DSC1: variants seen among roughly 807,000 people sequenced by gnomAD.
The protein encoded by DSC1 is desmocollin-1.
In DSC1, 79 loss-of-function variants were observed where a neutral mutation model predicts 98.8. The observed-to-expected ratio is 0.80, with a 90% CI of 0.67 to 0.96. The LOEUF is 0.96. Among genes scored for constraint, DSC1 ranks in the 50% least tolerant of loss-of-function variants. The probability of loss-of-function intolerance (pLI) is 0.00; values close to 1 mark genes in which losing one functional copy is unlikely to be tolerated. For missense variants in DSC1, 1,115 were observed against 1,075.9 expected, an observed-to-expected ratio of 1.04 and a Z score of -0.51; for synonymous variants, 405 against 372.1, an observed-to-expected ratio of 1.09 and a Z score of -1.02.
rs374761588 is a variant in DSC1, at chr18:31,155,507, G to A, written c.471+536C>T. ...TAGCTGGGCTTCGTGGTGGGTGTCCGTAATCCCAGCAACTCGGGAGGTTGA... is the reference window on the plus strand; with the variant it reads ...TAGCTGGGCTTCGTGGTGGGTGTCCATAATCCCAGCAACTCGGGAGGTTGA... On this transcript the variant is annotated intron_variant, in intron 4 of 15. Transcript: ENST00000257198. Among the ~76,000 whole-genome samples the A allele has an allele frequency of 3.9e-5, 6 of 152,152 alleles. No homozygotes were observed. The South Asian group carries it at 1.0e-3, about 26-fold the overall frequency.
rs1988485602 is a variant in DSC1 at position 31,131,403 on chromosome 18, T to C, written c.2487+191A>G. The C allele has an allele frequency of 5.1e-6, 4 of 791,130 alleles. No individual in the cohort carries two copies. The Admixed American group carries it at 1.2e-4, about 23-fold the overall frequency. 49.0% of individuals were successfully genotyped at this position (791,130 alleles called of 1,614,324 possible). Reference sequence around the variant, plus strand: ...CTCCTAGATAAAGTTTTGTAAACTGTATTTTCAAAGGTGAATTTTCAAAGA... The same window carrying C: ...CTCCTAGATAAAGTTTTGTAAACTGCATTTTCAAAGGTGAATTTTCAAAGA... On this transcript the variant is annotated intron_variant, in intron 15 of 15. Transcript: ENST00000257198.
intron 8 of DSC1, among the ~76,000 whole-genome samples, chr18:31,142,645 C>T (rs1355408001): frequency 6.7e-6 from 1 of 150,340 alleles, no homozygotes; most frequent in Non-Finnish European, 1.5e-5. Flanking sequence ...TTTTGATTCA[C>T]TTGCAAACCT....
intron 8 of DSC1, among the ~76,000 whole-genome samples, chr18:31,143,395 A>AAT (rs1988777810): frequency 1.1e-5 from 1 of 92,598 alleles, no homozygotes. Flanking sequence ...ATAAAATAAA[A>AAT]TAAAAGTTTA....
chr18:31,132,646 G>T lies in DSC1; in HGVS notation c.2160C>A (p.Val720=). 1 of 1,613,266 alleles carries T rather than the reference G, an allele frequency of 6.2e-7. No homozygotes were observed. The highest frequency in any genetic ancestry group is 1.1e-5 in the South Asian group (1 of 91,046). ...TCFCVTAKRT[V]KKCFPEDIAQ... Reference sequence around the variant, plus strand: ...CTATGTCTTCTGGAAAACATTTCTTGACTGTTCTCTTAGCAGTGACACAGA... The same window carrying T: ...CTATGTCTTCTGGAAAACATTTCTTTACTGTTCTCTTAGCAGTGACACAGA... Residue 720 remains valine (V), a synonymous_variant, in exon 14 of 16, where the codon GTC becomes GTA. Transcript: ENST00000257198.
Position 31,134,720 on chromosome 18 carries a change from T to C in DSC1, c.1728A>G (p.Gln576=), listed in dbSNP as rs779129089. Residue 576 remains glutamine, a synonymous_variant, in exon 12 of 16, where the codon CAA becomes CAG. Transcript: ENST00000257198. ...HLDDYNDHAP[Q]IDKEVTICQN... is the part of the protein sequence containing the mutation. ...GACAAATGGTCACTTCTTTGTCAAT[T>C]TGAGGTGCGTGATCGTTGTAATCAT... 4 of 1,613,186 alleles carry C rather than the reference T, an allele frequency of 2.5e-6. No individual in the cohort carries two copies. Among genetic ancestry groups the C allele is most frequent in the Middle Eastern group, 1.6e-4 (1 of 6,080 alleles).
chr18:31,143,441 G>A (rs1019072182), intron 8 of DSC1, among the ~76,000 whole-genome samples: 9 of 151,668 alleles, frequency 5.9e-5, no homozygotes, highest in South Asian at 2.1e-4. Context: ...GAAGCTCTTC[G>A]GTAGCCAAGA....
chr18:31,146,415 A>G (rs1235287968), intron 6 of DSC1, among the ~76,000 whole-genome samples: 2 of 152,098 alleles, frequency 1.3e-5, no homozygotes, highest in African/African-American at 4.8e-5. Flanking sequence ...AAAAGACATG[A>G]TTTTATTCTT....
In DSC1 at chr18:31,145,657, G is replaced by C; in HGVS notation, c.893C>G (p.Pro298Arg). Residue 298 changes from proline (P) to arginine (R), a missense_variant, in exon 7 of 16, where the codon CCA becomes CGA. By Grantham distance (103) the Pro-to-Arg change is moderately radical. Coordinates refer to ENST00000257198, the MANE Select transcript of DSC1 (RefSeq NM_024421.2). Reference sequence around the variant, plus strand: ...AGTTGTGGTGATGACACCGGTATCTGGGTGTATGGAGAAATGCTTTGGATG... The same window carrying C: ...AGTTGTGGTGATGACACCGGTATCTCGGTGTATGGAGAAATGCTTTGGATG... ...PDHPKHFSIH[P>R]DTGVITTTTP... is the part of the protein sequence containing the mutation. 6.2e-7 allele frequency: 1 copy of C among 1,614,112 alleles called. No homozygotes were observed. Among genetic ancestry groups the C allele is most frequent in the Non-Finnish European group, 8.5e-7 (1 of 1,179,986 alleles).
intron 4 of DSC1, among the ~76,000 whole-genome samples, chr18:31,155,353 G>A (rs1311392578): frequency 1.3e-5 from 2 of 152,088 alleles, no homozygotes; most frequent in Non-Finnish European, 2.9e-5. Flanking sequence ...ATTTTGGCCG[G>A]GCGCAGTGGC....
intron 4 of DSC1, among the ~76,000 whole-genome samples, chr18:31,155,560 G>C (rs540218624): frequency 6.6e-6 from 1 of 152,282 alleles, no homozygotes; most frequent in African/African-American, 2.4e-5. Flanking sequence ...AACCCAGGAG[G>C]CAGAGGTTGC....
In DSC1 at chr18:31,139,880, A is replaced by T; in HGVS notation, c.1531T>A (p.Leu511Ile). 3 of 1,599,852 alleles carry T rather than the reference A, an allele frequency of 1.9e-6. No homozygotes were observed. The highest frequency in any genetic ancestry group is 2.6e-6 in the Non-Finnish European group (3 of 1,176,094). The change falls in exon 11 of 16, where the codon TTA (leucine) becomes ATA (isoleucine). Residue 511 changes from leucine to isoleucine, a missense_variant. Leu to Ile is a conservative substitution (Grantham distance 5). Transcript: ENST00000257198. ...TCAAACCAGTTATCTTCATCCCCTA[A>T]CTTCTGATACCTAATTTTTAGAAAT... ...SSGEGLRYQK[L>I]GDEDNWFEIN...
intron 10 of DSC1, 64 bp from the exon 11 acceptor site, chr18:31,139,954 C>G: frequency 1.9e-6 from 3 of 1,561,612 alleles, no homozygotes; most frequent in Non-Finnish European, 1.7e-6. Flanking sequence ...TAAAATCTGT[C>G]ATTTTGAAAA....
chr18:31,143,721 G>T lies in DSC1; in HGVS notation c.1010C>A (p.Thr337Lys). The T allele has an allele frequency of 6.2e-7, 1 of 1,602,130 alleles. No homozygotes were observed. The highest frequency in any genetic ancestry group is 8.5e-7 in the Non-Finnish European group (1 of 1,173,650). The stretch of plus-strand genomic sequence containing the variant: ...CTCAAGTGAAATAGTAATTGTTCCT[G>T]TATTAAATAAACCGAAAGGCTGACC... ...MGGQPFGLFN[T>K]GTITISLEDE... The change falls in exon 8 of 16, where the codon ACA becomes AAA. Residue 337 changes from threonine to lysine, a missense_variant. By Grantham distance (78) the Thr-to-Lys change is moderately conservative. Coordinates refer to ENST00000257198, the MANE Select transcript of DSC1 (RefSeq NM_024421.2).
At chr18:31,154,506 TTTG>T (rs1989056783) in intron 5 of DSC1, among the ~76,000 whole-genome samples, 1 of 152,158 alleles carries the variant, frequency 6.6e-6, no homozygotes. Flanking sequence ...AGTAAAACTC[TTTG>T]TTATTTCTCC....
intron 15 of DSC1, among the ~76,000 whole-genome samples, chr18:31,131,305 C>A (rs16961326): frequency 4.4e-4 from 67 of 152,126 alleles, no homozygotes; most frequent in African/African-American, 1.6e-3. Flanking sequence ...TTCACTCCAG[C>A]TGGTTTTCCT....
chr18:31,162,754 C>A lies in DSC1; in HGVS notation c.-160G>T. The A allele has an allele frequency of 1.6e-6, 1 of 613,462 alleles. No homozygotes were observed. Among genetic ancestry groups the A allele is most frequent in the Non-Finnish European group, 2.9e-6 (1 of 340,736 alleles). 38.0% of individuals were successfully genotyped at this position (613,462 alleles called of 1,614,324 possible). A position where few individuals can be genotyped will look rare whatever the true frequency, so the allele number is the denominator to read the frequency against. ...AGACAGTCCGGAGGCAAGTGATAAA[C>A]AGTAGGAGGAGCAACGGGAGAATTT... On this transcript the variant is annotated 5_prime_UTR_variant, in exon 1 of 16. Coordinates refer to ENST00000257198, the MANE Select transcript of DSC1 (RefSeq NM_024421.2).
intron 6 of DSC1, among the ~76,000 whole-genome samples, chr18:31,146,636 GT>G (rs1988852274): frequency 6.6e-6 from 1 of 152,042 alleles, no homozygotes; most frequent in Non-Finnish European, 1.5e-5. Flanking sequence ...TAGTAGCTCT[GT>G]TTTTAGTTCT....
At chr18:31,159,895 G>A (rs1989178746) in intron 1 of DSC1, among the ~76,000 whole-genome samples, 1 of 152,142 alleles carries the variant, frequency 6.6e-6, no homozygotes, top group Admixed American at 6.5e-5. Context: ...CCTTTGAAAT[G>A]CATAATTACA....
chr18:31,157,393 A>T lies in DSC1; in HGVS notation c.329T>A (p.Val110Glu). 1 of 1,614,202 alleles carries T rather than the reference A, an allele frequency of 6.2e-7. No individual in the cohort carries two copies. The highest frequency in any genetic ancestry group is 8.5e-7 in the Non-Finnish European group (1 of 1,180,024). ...TACCTTGTTTTCTCTTGCTGACAGT[A>T]CAACTTTTATCTCTTGTTGTTCCCG... ...QRREQQEIKV[V>E]LSARENKSPK... Residue 110 changes from valine to glutamate, a missense_variant, in exon 3 of 16, where the codon GTA becomes GAA. By Grantham distance (121) the Val-to-Glu change is moderately radical. Transcript: ENST00000257198.
Sources: allele counts gnomAD v4.1 joint callset (sites outside exome capture counted in the v4.1 genomes callset), GRCh38; gene constraint gnomAD v4.1.1; transcripts MANE v1.5; gene names NCBI Gene and HGNC (gene_info 2026-07-23, HGNC 2026-07-21).